The following SYT14 variants were observed in gnomAD, a reference collection of about 807,000 sequenced individuals.
SYT14 encodes synaptotagmin 14.
SYT14 carries 32 observed loss-of-function variants against 74.2 expected under a neutral mutation model. That is an observed-to-expected ratio of 0.43 (90% CI 0.33 to 0.58). SYT14 has a LOEUF of 0.58. SYT14 is among the 20% of genes least tolerant of loss of function. SYT14 has a pLI of 0.05. For missense variants in SYT14, 791 were observed against 981.8 expected, an observed-to-expected ratio of 0.81 and a Z score of 2.60; for synonymous variants, 298 against 337.7, an observed-to-expected ratio of 0.88 and a Z score of 1.29.
At chr1:210,089,345 T>C (rs2081814552) in intron 5 of SYT14, among the ~76,000 whole-genome samples, 1 of 152,220 alleles carries the variant, frequency 6.6e-6, no homozygotes, top group Admixed American at 6.5e-5. Context: ...AACATACATG[T>C]GCATGTGTCT....
rs2081932126 is a variant in SYT14, at chr1:210,094,420, C to G, written c.1411C>G (p.Pro471Ala). ...TGGTTCTCCCCATCTGTCATGTACA[C>G]CCTCAGAAATTGGGGACAGTAAATG... The change falls in exon 6 of 10, where the codon CCC (proline) becomes GCC (alanine). Residue 471 changes from proline (P) to alanine (A), a missense_variant. Transcript: ENST00000637265. 1.2e-6 allele frequency: 2 copies of G among 1,613,926 alleles called. No homozygotes were observed. The highest frequency in any genetic ancestry group is 4.5e-5 in the East Asian group (2 of 44,868).
chr1:210,000,709 A>G (rs1434966755), intron 2 of SYT14, among the ~76,000 whole-genome samples: 1 of 143,786 alleles, frequency 7.0e-6, no homozygotes, highest in Non-Finnish European at 1.5e-5. Context: ...CTGCCCTCCG[A>G]GTCAAGTGAT....
At chr1:210,034,484 G>A (rs1328112259) in intron 5 of SYT14, among the ~76,000 whole-genome samples, 3 of 151,602 alleles carry the variant, frequency 2.0e-5, no homozygotes, top group African/African-American at 7.2e-5. Flanking sequence ...GTACAGTGTT[G>A]TTGCATAGAT....
chr1:210,104,538 A>G (rs1426419177), intron 7 of SYT14, among the ~76,000 whole-genome samples: 1 of 152,144 alleles, frequency 6.6e-6, no homozygotes, highest in African/African-American at 2.4e-5. Context: ...GAACTCTTAT[A>G]TACACAGCTT....
intron 5 of SYT14, among the ~76,000 whole-genome samples, chr1:210,042,128 C>G (rs1253420584): frequency 6.6e-6 from 1 of 151,968 alleles, no homozygotes; most frequent in East Asian, 1.9e-4. Context: ...CTGAGTGGAC[C>G]AAGGCCATCT....
intron 5 of SYT14, among the ~76,000 whole-genome samples, chr1:210,077,901 T>G (rs2081535635): frequency 6.6e-6 from 1 of 152,176 alleles, no homozygotes; most frequent in Admixed American, 6.5e-5. Flanking sequence ...GAAGGGATTG[T>G]TAAACAGACC....
intron 7 of SYT14, among the ~76,000 whole-genome samples, chr1:210,133,570 T>G (rs2082720377): frequency 6.6e-6 from 1 of 152,170 alleles, no homozygotes; most frequent in Admixed American, 6.5e-5. Context: ...GATAGTGGTG[T>G]CCAGTGTATT....
intron 2 of SYT14, among the ~76,000 whole-genome samples, chr1:209,984,350 C>T (rs952016886): frequency 5.9e-5 from 9 of 152,128 alleles, no homozygotes; most frequent in African/African-American, 2.2e-4. Flanking sequence ...GCACATCCCT[C>T]GTTGCTCTAA....
intron 5 of SYT14, among the ~76,000 whole-genome samples, chr1:210,027,413 C>G (rs922511781): frequency 1.4e-5 from 2 of 145,234 alleles, no homozygotes; most frequent in Non-Finnish European, 3.0e-5. Context: ...AGACCCTGTT[C>G]CCAAAAAAAA....
chr1:210,027,930 A>G (rs2080449700), intron 5 of SYT14, among the ~76,000 whole-genome samples: 1 of 152,158 alleles, frequency 6.6e-6, no homozygotes, highest in Non-Finnish European at 1.5e-5. Context: ...CATCACTTTA[A>G]TAATGTTTAA....
At chr1:209,996,220 A>T (rs1361019445) in intron 2 of SYT14, among the ~76,000 whole-genome samples, 1 of 152,174 alleles carries the variant, frequency 6.6e-6, no homozygotes, top group African/African-American at 2.4e-5. Context: ...AACAAGACTC[A>T]TAGACTGCTA....
At chr1:209,981,746 A>G (rs1475594411) in intron 2 of SYT14, among the ~76,000 whole-genome samples, 3 of 152,088 alleles carry the variant, frequency 2.0e-5, no homozygotes, top group Non-Finnish European at 4.4e-5. Flanking sequence ...GTGAGCCACT[A>G]TGCCTGACCC....
chr1:210,010,841 A>G (rs1040007111), intron 2 of SYT14, among the ~76,000 whole-genome samples: 2 of 152,224 alleles, frequency 1.3e-5, no homozygotes, highest in African/African-American at 2.4e-5. Context: ...TCCACTTACT[A>G]TCTGAACACA....
chr1:210,027,556 C>T (rs1558138637), intron 5 of SYT14, among the ~76,000 whole-genome samples: 4 of 152,124 alleles, frequency 2.6e-5, no homozygotes, highest in Non-Finnish European at 5.9e-5. Context: ...GCTGTCTCAT[C>T]CATCCCAGAG....
At chr1:210,132,269 G>A (rs764129291) in intron 7 of SYT14, among the ~76,000 whole-genome samples, 108 of 151,922 alleles carry the variant, frequency 7.1e-4, no homozygotes, top group Non-Finnish European at 1.3e-3. Context: ...CTCTCCCCAC[G>A]CCAAGTCCAC....
chr1:209,969,725 C>T (rs770935768), intron 2 of SYT14, among the ~76,000 whole-genome samples: 2 of 151,904 alleles, frequency 1.3e-5, no homozygotes, highest in Non-Finnish European at 2.9e-5. Context: ...CTGATCCACC[C>T]GTCTTGGCCT....
At chr1:210,163,957 A>C (rs748650158) in exon 10 of SYT14, 3 of 452,326 alleles carry the variant, frequency 6.6e-6, no homozygotes, top group Non-Finnish European at 8.8e-6. Flanking sequence ...AAATCCCCTA[A>C]GTTTTCTAAT....
At position 210,144,798 on chromosome 1, in the gene SYT14, T is replaced by C. The variant is rs1327979982; in HGVS notation, c.2035-10923T>C. On this transcript the variant is annotated intron_variant, in intron 7 of 9. Coordinates refer to ENST00000637265, the Ensembl canonical transcript of SYT14. ...AAACAAATTCATTAAAGGGAACATATAACATAATTGGATATATCAACTTGT... is the reference window on the plus strand; with the variant it reads ...AAACAAATTCATTAAAGGGAACATACAACATAATTGGATATATCAACTTGT... Among the ~76,000 whole-genome samples, 5 of 152,124 alleles carry C rather than the reference T, an allele frequency of 3.3e-5. No homozygotes were observed. The South Asian group carries it at 6.2e-4, about 19-fold the overall frequency.
intron 5 of SYT14, among the ~76,000 whole-genome samples, chr1:210,049,426 T>C (rs916893938): frequency 2.0e-5 from 3 of 151,946 alleles, no homozygotes; most frequent in Non-Finnish European, 4.4e-5. Flanking sequence ...GATTTTGATT[T>C]TTTTTCTTTT....
Sources: gnomAD v4.1 joint callset for allele counts (sites outside exome capture counted in the v4.1 genomes callset) on GRCh38, gnomAD v4.1.1 for gene constraint, MANE v1.5 for transcripts, NCBI Gene and HGNC (gene_info 2026-07-23, HGNC 2026-07-21) for gene names.